ADAMTSL1: variants seen among roughly 807,000 people sequenced by gnomAD.
ADAMTSL1 encodes the protein ADAMTS like 1.
A neutral mutation model predicts 201.8 loss-of-function variants in ADAMTSL1; 126 were observed. The observed-to-expected ratio is 0.62, with a 90% confidence interval of 0.54 to 0.72. The LOEUF (loss-of-function observed/expected upper bound fraction) is 0.72. ADAMTSL1 is among the 30% of genes least tolerant of loss of function. The pLI is 0.00. For synonymous variants in ADAMTSL1, 1,121 were observed against 903.4 expected (o/e 1.24, Z -4.32); for missense variants, 2,679 against 2,277.8 (o/e 1.18, Z -3.59).
chr9:17,921,916 C>T (rs1826317871), intron 1 of ADAMTSL1, among the ~76,000 whole-genome samples: 1 of 152,084 alleles, frequency 6.6e-6, no homozygotes, highest in Admixed American at 6.6e-5. Flanking sequence ...ATAGTCTAAC[C>T]TATTTGCTTA....
chr9:18,056,890 C>T (rs1822215205), intron 1 of ADAMTSL1, among the ~76,000 whole-genome samples: 1 of 152,100 alleles, frequency 6.6e-6, no homozygotes, highest in Non-Finnish European at 1.5e-5. Flanking sequence ...TCTCCTTTAA[C>T]ATGTTTTTTT....
chr9:18,616,913 C>G (rs1026126189), intron 4 of ADAMTSL1, among the ~76,000 whole-genome samples: 1 of 152,102 alleles, frequency 6.6e-6, no homozygotes, highest in Non-Finnish European at 1.5e-5. Flanking sequence ...ACTCCCTCCC[C>G]TATTTATTAA....
At chr9:18,655,865 T>TACATCCC (rs1828623679) in intron 7 of ADAMTSL1, among the ~76,000 whole-genome samples, 1 of 132,710 alleles carries the variant, frequency 7.5e-6, no homozygotes, top group Non-Finnish European at 1.6e-5. Flanking sequence ...TGATTAATAC[T>TACATCCC]ACATCCCTAA....
At chr9:18,590,695 T>C (rs1266064201) in intron 4 of ADAMTSL1, among the ~76,000 whole-genome samples, 2 of 152,080 alleles carry the variant, frequency 1.3e-5, no homozygotes, top group Non-Finnish European at 2.9e-5. Context: ...CTGTATCCCA[T>C]AGTTTTTGGT....
chr9:18,378,961 A>G (rs1046350279), intron 2 of ADAMTSL1, among the ~76,000 whole-genome samples: 12 of 152,208 alleles, frequency 7.9e-5, no homozygotes, highest in Admixed American at 7.9e-4. Context: ...GCTGCAGGAT[A>G]CTTGGTCATC....
At chr9:18,617,183 G>A (rs975574047) in intron 4 of ADAMTSL1, among the ~76,000 whole-genome samples, 11 of 152,166 alleles carry the variant, frequency 7.2e-5, no homozygotes, top group African/African-American at 2.2e-4. Context: ...TTGAAATGAA[G>A]CCATTGTGAA....
intron 7 of ADAMTSL1, among the ~76,000 whole-genome samples, chr9:18,650,304 C>G (rs148008231): frequency 0.014 from 2,093 of 152,308 alleles, 57 homozygotes; most frequent in African/African-American, 0.047. Context: ...CACCCCTTTC[C>G]TTGGCCAGGA....
At chr9:17,967,699 G>C (rs955289570) in intron 1 of ADAMTSL1, among the ~76,000 whole-genome samples, 1 of 151,916 alleles carries the variant, frequency 6.6e-6, no homozygotes, top group Non-Finnish European at 1.5e-5. Flanking sequence ...TTCCTTTATA[G>C]ATTTCTATTT....
intron 2 of ADAMTSL1, among the ~76,000 whole-genome samples, chr9:18,268,465 A>G (rs1370425356): frequency 1.3e-5 from 2 of 152,236 alleles, no homozygotes; most frequent in African/African-American, 4.8e-5. Flanking sequence ...GTAAGATATC[A>G]GTCATTTAAA....
chr9:18,661,884 T>G, intron 8 of ADAMTSL1, 51 bp from the exon 9 acceptor site: 1 of 1,560,714 alleles, frequency 6.4e-7, no homozygotes, highest in Non-Finnish European at 8.7e-7. Flanking sequence ...TAAAGAAATA[T>G]ATTGCATTGG....
At position 18,782,123 on chromosome 9, in the gene ADAMTSL1, C is replaced by CT. The variant is rs551409657; in HGVS notation, c.3677+4217_3677+4218insT. Among the ~76,000 whole-genome samples the CT allele has an allele frequency of 3.3e-5, 5 of 152,274 alleles. No homozygotes were observed. In the South Asian group the frequency reaches 1.0e-3, roughly 32 times the overall value. ...AAACAATCTCATGCCTACTCTAAGC[C>CT]AGACTCTGTGTTAGATACTAGGGAT... On this transcript the variant is annotated intron_variant, in intron 19 of 28. Transcript: ENST00000380548.
intron 2 of ADAMTSL1, among the ~76,000 whole-genome samples, chr9:18,515,776 T>G (rs923060591): frequency 3.3e-5 from 5 of 152,228 alleles, no homozygotes; most frequent in Non-Finnish European, 5.9e-5. Context: ...TCTACTTTTC[T>G]GGTACATACA....
chr9:18,808,012 G>A (rs1173182890), intron 20 of ADAMTSL1, among the ~76,000 whole-genome samples: 1 of 152,168 alleles, frequency 6.6e-6, no homozygotes, highest in East Asian at 1.9e-4. Flanking sequence ...GTGATCTAAA[G>A]TAGGCTTATG....
At chr9:18,646,514 T>G (rs1255381163) in intron 7 of ADAMTSL1, among the ~76,000 whole-genome samples, 5 of 150,010 alleles carry the variant, frequency 3.3e-5, no homozygotes, top group Non-Finnish European at 1.5e-5. Context: ...CAGTATGATA[T>G]TGGCTGTGGG....
intron 4 of ADAMTSL1, among the ~76,000 whole-genome samples, chr9:18,597,018 A>G (rs986002212): frequency 1.3e-5 from 2 of 152,108 alleles, no homozygotes; most frequent in Non-Finnish European, 1.5e-5. Flanking sequence ...CATATAGCCA[A>G]TTAGATTGAG....
rs138981107 is a variant in ADAMTSL1, at chr9:18,659,159, A to T, written c.946+1409A>T. On this transcript the variant is annotated intron_variant, in intron 8 of 28. Transcript: ENST00000380548. ...CTGACTTTAAATAGCTAATCCACAG[A>T]AGTATCACTATATTAATTTGACAAG... Among the ~76,000 whole-genome samples, 1,281 of 152,360 alleles carry T rather than the reference A, an allele frequency of 8.4e-3. 20 individuals carry two copies. Among genetic ancestry groups the T allele is most frequent in the African/African-American group, 0.029 (1,214 of 41,580 alleles).
At chr9:18,716,936 T>C (rs1175016330) in intron 14 of ADAMTSL1, among the ~76,000 whole-genome samples, 236 of 140,538 alleles carry the variant, frequency 1.7e-3, no homozygotes, top group African/African-American at 5.8e-3. Flanking sequence ...ATGTCCTTTG[T>C]AGGGACATGG....
At chr9:18,701,581 G>C (rs1329586254) in intron 13 of ADAMTSL1, among the ~76,000 whole-genome samples, 2 of 152,056 alleles carry the variant, frequency 1.3e-5, no homozygotes, top group African/African-American at 4.8e-5. Context: ...TCACCCTACT[G>C]TCATGCCACC....
At chr9:18,852,040 G>T (rs979271885) in intron 23 of ADAMTSL1, among the ~76,000 whole-genome samples, 3 of 152,162 alleles carry the variant, frequency 2.0e-5, no homozygotes, top group African/African-American at 7.2e-5. Flanking sequence ...TGACATTGCT[G>T]AAGGGGTGCC....
Sources: allele counts gnomAD v4.1 joint callset (sites outside exome capture counted in the v4.1 genomes callset), GRCh38; gene constraint gnomAD v4.1.1; transcripts MANE v1.5; gene names NCBI Gene and HGNC (gene_info 2026-07-23, HGNC 2026-07-21).